GPC5: variants seen among roughly 807,000 people sequenced by gnomAD.
The protein encoded by GPC5 is glypican 5, also known as glypican-5.
A neutral mutation model predicts 53.9 loss-of-function variants in GPC5; 47 were observed. The ratio of observed to expected loss-of-function variants is 0.87; its 90% CI spans 0.69 to 1.11. The LOEUF is 1.11. Ranked by LOEUF, GPC5 falls within the 50% of genes most tolerant of loss-of-function variation. The pLI is 0.00. For missense variants in GPC5, 748 were observed against 713.1 expected (o/e 1.05, Z -0.56); for synonymous variants, 286 against 263.3 (o/e 1.09, Z -0.84).
chr13:91,591,819 G>A (rs1002417839), intron 2 of GPC5, among the ~76,000 whole-genome samples: 4 of 152,196 alleles, frequency 2.6e-5, no homozygotes, highest in South Asian at 2.1e-4. Context: ...TGCCTATTTC[G>A]TCTTACAGCT....
chr13:92,213,147 C>T (rs2042387033), intron 7 of GPC5, among the ~76,000 whole-genome samples: 1 of 152,172 alleles, frequency 6.6e-6, no homozygotes, highest in Non-Finnish European at 1.5e-5. Flanking sequence ...GACAAATGAT[C>T]AAATAGTTGA....
intron 3 of GPC5, among the ~76,000 whole-genome samples, chr13:91,714,138 A>C (rs912216784): frequency 6.6e-6 from 1 of 152,182 alleles, no homozygotes; most frequent in Non-Finnish European, 1.5e-5. Context: ...TCAAATTCTC[A>C]GTCCTATTCT....
At chr13:92,348,325 G>A (rs1207510127) in intron 7 of GPC5, among the ~76,000 whole-genome samples, 1 of 151,632 alleles carries the variant, frequency 6.6e-6, no homozygotes, top group Admixed American at 6.6e-5. Flanking sequence ...AACTGAAATA[G>A]GAGACGCATA....
intron 2 of GPC5, among the ~76,000 whole-genome samples, chr13:91,681,096 T>C (rs887276469): frequency 2.0e-5 from 3 of 152,166 alleles, no homozygotes; most frequent in Admixed American, 6.5e-5. Flanking sequence ...TTTTTAAGAG[T>C]GTAAAGCGTT....
chr13:92,401,330 G>A (rs1159500625), intron 7 of GPC5, among the ~76,000 whole-genome samples: 1 of 151,888 alleles, frequency 6.6e-6, no homozygotes, highest in Non-Finnish European at 1.5e-5. Context: ...TATTAAATAA[G>A]TAATGAAGAG....
intron 7 of GPC5, among the ~76,000 whole-genome samples, chr13:92,433,371 T>C (rs1159629738): frequency 6.6e-6 from 1 of 152,172 alleles, no homozygotes; most frequent in African/African-American, 2.4e-5. Flanking sequence ...TTATCACCTA[T>C]GAGTGGAACG....
intron 2 of GPC5, among the ~76,000 whole-genome samples, chr13:91,688,041 T>C (rs2035660237): frequency 1.3e-5 from 2 of 152,112 alleles, no homozygotes; most frequent in African/African-American, 4.8e-5. Flanking sequence ...ACAGTTATTT[T>C]GAAAGTTTAA....
chr13:92,466,623 A>G (rs1332646806), intron 7 of GPC5, among the ~76,000 whole-genome samples: 2 of 152,082 alleles, frequency 1.3e-5, no homozygotes, highest in African/African-American at 4.8e-5. Context: ...ATTTTATAGA[A>G]GCTATAATAA....
chr13:92,433,295 T>G (rs976690123), intron 7 of GPC5, among the ~76,000 whole-genome samples: 2 of 152,100 alleles, frequency 1.3e-5, no homozygotes, highest in Non-Finnish European at 2.9e-5. Flanking sequence ...CAGAGATAGC[T>G]ATGGGGATGA....
chr13:92,441,925 A>G, intron 7 of GPC5, among the ~76,000 whole-genome samples: 1 of 152,170 alleles, frequency 6.6e-6, no homozygotes, highest in Non-Finnish European at 1.5e-5. Flanking sequence ...CATCACAAAT[A>G]TATGTTAAGG....
At chr13:92,527,096 GAAAAGAAAGAA>G (rs202090736) in intron 7 of GPC5, among the ~76,000 whole-genome samples, 4,100 of 59,284 alleles carry the variant, frequency 0.069, 751 homozygotes, top group East Asian at 0.16. Flanking sequence ...GATTCTGTAG[GAAAAGAAAGAA>G]AAAAGAAAGA....
chr13:91,432,199 G>T (rs887002672), intron 1 of GPC5, among the ~76,000 whole-genome samples: 19 of 70,590 alleles, frequency 2.7e-4, no homozygotes, highest in South Asian at 6.9e-4. Context: ...TGCTGCTGCT[G>T]CTGCTGTGTG....
intron 5 of GPC5, among the ~76,000 whole-genome samples, chr13:91,764,956 A>G (rs1023005290): frequency 2.6e-5 from 4 of 151,980 alleles, no homozygotes; most frequent in Admixed American, 1.3e-4. Flanking sequence ...TCTCCCCTCT[A>G]TTTCTCCATG....
chr13:92,233,207 T>A (rs1256247423), intron 7 of GPC5, among the ~76,000 whole-genome samples: 1 of 152,208 alleles, frequency 6.6e-6, no homozygotes, highest in Non-Finnish European at 1.5e-5. Flanking sequence ...AATTTAATTA[T>A]GAAATTGAAT....
chr13:91,765,760 G>A (rs2138677967), intron 5 of GPC5, among the ~76,000 whole-genome samples: 1 of 152,330 alleles, frequency 6.6e-6, no homozygotes, highest in East Asian at 1.9e-4. Context: ...TTTAATGAAA[G>A]AGGTAATATG....
chr13:92,773,551 G>T (rs9556211), intron 7 of GPC5, among the ~76,000 whole-genome samples: 4,847 of 152,110 alleles, frequency 0.032, 329 homozygotes, highest in East Asian at 0.28. Flanking sequence ...ACCAGATGAC[G>T]TAAATGAAAT....
intron 6 of GPC5, among the ~76,000 whole-genome samples, chr13:92,141,059 A>G (rs966995815): frequency 2.0e-5 from 3 of 152,226 alleles, no homozygotes; most frequent in Admixed American, 6.5e-5. Flanking sequence ...AAAGATAAGC[A>G]AACTTTTAAG....
chr13:92,811,700 T>C lies in GPC5; in HGVS notation c.1562-54582T>C, dbSNP rs1029115400. Among the ~76,000 whole-genome samples the C allele has an allele frequency of 7.9e-4, 120 of 151,974 alleles. 2 individuals are homozygous for C. The highest frequency in any genetic ancestry group is 2.7e-3 in the African/African-American group (112 of 41,278). On this transcript the variant is annotated intron_variant, in intron 7 of 7. Coordinates refer to ENST00000377067, the MANE Select transcript of GPC5 (RefSeq NM_004466.6). ...ACCAAACTCAAATTCAAGAAGATATTCCCCTATATTTTTTTCTAAGAGATT... is the reference window on the plus strand; with the variant it reads ...ACCAAACTCAAATTCAAGAAGATATCCCCCTATATTTTTTTCTAAGAGATT...
At chr13:92,424,092 T>C (rs141641853) in intron 7 of GPC5, among the ~76,000 whole-genome samples, 14 of 152,228 alleles carry the variant, frequency 9.2e-5, no homozygotes, top group African/African-American at 3.1e-4. Flanking sequence ...CCTTGAGAAA[T>C]GTATGAATGT....
Sources: allele counts gnomAD v4.1 joint callset (sites outside exome capture counted in the v4.1 genomes callset), GRCh38; gene constraint gnomAD v4.1.1; transcripts MANE v1.5; gene names NCBI Gene and HGNC (gene_info 2026-07-23, HGNC 2026-07-21).